Variants in ANKRD30B observed in about 807,000 individuals in gnomAD.
ANKRD30B encodes ankyrin repeat domain 30B.
A neutral mutation model predicts 202.2 loss-of-function variants in ANKRD30B; 144 were observed. That is an observed-to-expected ratio of 0.71 (90% CI 0.62 to 0.82). ANKRD30B has a LOEUF of 0.82. Ranked by LOEUF, ANKRD30B falls within the 40% of genes least tolerant of loss-of-function variation. The pLI, the probability that ANKRD30B is intolerant of heterozygous loss-of-function variation, is 0.00. For synonymous variants in ANKRD30B, 508 were observed against 561.3 expected, an observed-to-expected ratio of 0.91 and a Z score of 1.34; for missense variants, 1,487 against 1,669.1, an observed-to-expected ratio of 0.89 and a Z score of 1.90.
At chr18:14,865,878 C>G in the ANKRD30B span, among the ~76,000 whole-genome samples, 1 of 152,162 alleles carries the variant, frequency 6.6e-6, no homozygotes, top group African/African-American at 2.4e-5. Context: ...TGAGCAGATA[C>G]AGAAGAACCT....
intron 33 of ANKRD30B, among the ~76,000 whole-genome samples, chr18:14,829,586 T>G (rs893689063): frequency 6.6e-5 from 10 of 152,198 alleles, no homozygotes; most frequent in Admixed American, 1.3e-4. Flanking sequence ...TTGGATCTTA[T>G]GACAAGTTTG....
chr18:14,867,515 C>G, the ANKRD30B span, among the ~76,000 whole-genome samples: 18 of 152,094 alleles, frequency 1.2e-4, no homozygotes, highest in Non-Finnish European at 2.6e-4. Context: ...CCTCTGACCA[C>G]CGCAGGGCCT....
intron 24 of ANKRD30B, among the ~76,000 whole-genome samples, chr18:14,808,058 G>C (rs9675865): frequency 0.058 from 8,646 of 149,624 alleles, 1,147 homozygotes; most frequent in African/African-American, 0.2. Context: ...ATTCTCATCG[G>C]AGCTTTGCAA....
the ANKRD30B span, among the ~76,000 whole-genome samples, chr18:14,935,186 G>A: frequency 2.6e-5 from 4 of 152,302 alleles, no homozygotes; most frequent in East Asian, 1.9e-4. Flanking sequence ...GGGGTACCTC[G>A]AGGAGGCATT....
intron 39 of ANKRD30B, among the ~76,000 whole-genome samples, chr18:14,844,048 T>C (rs557744339): frequency 6.6e-6 from 1 of 152,334 alleles, no homozygotes; most frequent in East Asian, 1.9e-4. Context: ...TAATTGTACA[T>C]TGTGTAATTT....
chr18:14,929,381 C>G, the ANKRD30B span, among the ~76,000 whole-genome samples: 1 of 152,188 alleles, frequency 6.6e-6, no homozygotes, highest in Non-Finnish European at 1.5e-5. Flanking sequence ...GAACCATTCA[C>G]TCATCACAGG....
intron 18 of ANKRD30B, among the ~76,000 whole-genome samples, chr18:14,797,414 C>T (rs1968982686): frequency 6.6e-6 from 1 of 152,180 alleles, no homozygotes; most frequent in South Asian, 2.1e-4. Flanking sequence ...TTTACACAAT[C>T]CTGCATGCAG....
At chr18:14,773,965 C>T (rs982661249) in intron 9 of ANKRD30B, among the ~76,000 whole-genome samples, 8 of 152,004 alleles carry the variant, frequency 5.3e-5, no homozygotes, top group African/African-American at 1.9e-4. Context: ...AACTCAAGTT[C>T]TATTAAACAT....
the ANKRD30B span, among the ~76,000 whole-genome samples, chr18:14,862,408 A>G: frequency 6.6e-6 from 1 of 152,198 alleles, no homozygotes; most frequent in Non-Finnish European, 1.5e-5. Flanking sequence ...GAAGATTCCA[A>G]TAAGCACAAT....
chr18:14,821,318 C>A, intron 30 of ANKRD30B, among the ~76,000 whole-genome samples: 1 of 151,890 alleles, frequency 6.6e-6, no homozygotes. Context: ...AAACCAGCTC[C>A]TGGATTCATT....
chr18:14,835,668 A>G (rs9303870), intron 34 of ANKRD30B, among the ~76,000 whole-genome samples: 147,793 of 151,580 alleles, frequency 0.98, 72,168 homozygotes, highest in Middle Eastern at 1. Context: ...CTTTATATGA[A>G]ATCTTTTCTC....
rs1384885683 is a variant in ANKRD30B, at chr18:14,774,707, T to G, written c.1329+2479T>G. 5.3e-5 allele frequency among the ~76,000 whole-genome samples: 8 copies of G among 152,130 alleles called. No homozygotes were observed. The East Asian group carries it at 1.5e-3, about 29-fold the overall frequency. On this transcript the variant is annotated intron_variant, in intron 9 of 43. Coordinates refer to ENST00000690538, the MANE Select transcript of ANKRD30B (RefSeq NM_001367607.2). ...CCACACAAGAGGTAATTAATACAAC[T>G]GTAAATTAGGAAGAGATATTGCAAA...
the ANKRD30B span, among the ~76,000 whole-genome samples, chr18:14,898,947 A>G: frequency 1.3e-5 from 2 of 152,180 alleles, no homozygotes; most frequent in Admixed American, 1.3e-4. Flanking sequence ...TTATTTACTT[A>G]AAATAAGTAT....
At chr18:14,766,907 G>T (rs1415918148) in intron 7 of ANKRD30B, among the ~76,000 whole-genome samples, 1 of 152,134 alleles carries the variant, frequency 6.6e-6, no homozygotes, top group East Asian at 1.9e-4. Context: ...TTACTGAAAA[G>T]CCAATTAGAT....
chr18:14,756,824 A>C lies in ANKRD30B; in HGVS notation c.618-991A>C, dbSNP rs1372479662. Among the ~76,000 whole-genome samples, 3 of 152,174 alleles carry C rather than the reference A, an allele frequency of 2.0e-5. No individual in the cohort carries two copies. In the East Asian group the frequency reaches 5.8e-4, roughly 29 times the overall value. On this transcript the variant is annotated intron_variant, in intron 4 of 43. Coordinates refer to ENST00000690538, the MANE Select transcript of ANKRD30B (RefSeq NM_001367607.2). Reference sequence around the variant, plus strand: ...CGAGAATCGCTTGAACCCAGAAGGCAGAGGTTGCAGTGAGCTGAGATCATG... The same window carrying C: ...CGAGAATCGCTTGAACCCAGAAGGCCGAGGTTGCAGTGAGCTGAGATCATG...
the ANKRD30B span, among the ~76,000 whole-genome samples, chr18:14,868,667 A>G: frequency 6.6e-6 from 1 of 152,248 alleles, no homozygotes; most frequent in Non-Finnish European, 1.5e-5. Flanking sequence ...CGAGGCTTAG[A>G]CCGGTATCAC....
the ANKRD30B span, among the ~76,000 whole-genome samples, chr18:14,890,929 AACTT>A: frequency 6.6e-6 from 1 of 152,166 alleles, no homozygotes; most frequent in African/African-American, 2.4e-5. Flanking sequence ...TAAGAATGGT[AACTT>A]ACTATTTTCC....
the ANKRD30B span, among the ~76,000 whole-genome samples, chr18:14,863,839 T>C: frequency 2.0e-5 from 3 of 150,168 alleles, no homozygotes; most frequent in Admixed American, 6.7e-5. Flanking sequence ...CTGATGAACA[T>C]AGATGCAAAT....
the ANKRD30B span, among the ~76,000 whole-genome samples, chr18:14,872,176 C>T: frequency 1.3e-5 from 2 of 152,206 alleles, no homozygotes; most frequent in African/African-American, 4.8e-5. Context: ...CATCTCTCAG[C>T]CAGGAAGTCA....
Sources: allele counts gnomAD v4.1 joint callset (sites outside exome capture counted in the v4.1 genomes callset), GRCh38; gene constraint gnomAD v4.1.1; transcripts MANE v1.5; gene names NCBI Gene and HGNC (gene_info 2026-07-23, HGNC 2026-07-21).